PCDH11X: variants seen among roughly 807,000 people sequenced by gnomAD.
PCDH11X encodes protocadherin 11 X-linked, also known as protocadherin-11 X-linked.
A neutral mutation model predicts 53.3 loss-of-function variants in PCDH11X; 18 were observed. That is an observed-to-expected ratio of 0.34 (90% CI 0.23 to 0.50). PCDH11X has a LOEUF of 0.50. Among genes scored for constraint, PCDH11X ranks in the 20% least tolerant of loss-of-function variants. The pLI is 0.98. For missense variants in PCDH11X, 570 were observed against 1,032.4 expected, an observed-to-expected ratio of 0.55 and a Z score of 6.14; for synonymous variants, 279 against 393.3, an observed-to-expected ratio of 0.71 and a Z score of 3.44.
chrX:92,284,810 C>T (rs1456196324), intron 8 of PCDH11X, among the ~76,000 whole-genome samples: 3 of 111,873 alleles, frequency 2.7e-5, no homozygotes, highest in African/African-American at 9.7e-5. Context: ...GTTGCAGAAG[C>T]ATCTAAAAAT....
In PCDH11X at chrX:92,371,237, G is replaced by C. The variant is rs754098794; in HGVS notation, c.3145-16498G>C. Among the ~76,000 whole-genome samples, 3 of 105,850 alleles carry C rather than the reference G, an allele frequency of 2.8e-5. No individual in the cohort carries two copies. The East Asian group carries it at 9.0e-4, about 32-fold the overall frequency. 91.9% of individuals were successfully genotyped at this position (105,850 alleles called of 115,157 possible). ...ATTTTAAGCAATTGCTCATAGTCAG[G>C]ACTTACTATTACCACCATATTATAT... On this transcript the variant is annotated intron_variant, in intron 8 of 10. Transcript: ENST00000682573.
intron 10 of PCDH11X, among the ~76,000 whole-genome samples, chrX:92,591,598 T>A (rs1408301639): frequency 1.8e-5 from 2 of 111,684 alleles, no homozygotes; most frequent in Non-Finnish European, 3.8e-5. Flanking sequence ...AAAGGTTTCT[T>A]CTTGTCTTGC....
At chrX:92,374,408 C>T (rs2070693810) in intron 8 of PCDH11X, among the ~76,000 whole-genome samples, 1 of 100,459 alleles carries the variant, frequency 1.0e-5, no homozygotes, top group African/African-American at 3.6e-5. Context: ...AGTTTGTTAT[C>T]TTAACATTTC....
At position 91,825,548 on chromosome X, in the gene PCDH11X, C is replaced by T. The variant is rs371583058; in HGVS notation, c.-44-9913C>T. Among the ~76,000 whole-genome samples, 45 of 110,862 alleles carry T rather than the reference C, an allele frequency of 4.1e-4. No homozygotes were observed. The East Asian group carries it at 5.8e-3, about 14-fold the overall frequency. On this transcript the variant is annotated intron_variant, in intron 4 of 10. Coordinates refer to ENST00000682573, the MANE Select transcript of PCDH11X (RefSeq NM_032968.5). ...CCTGCTTCAGCTCGCGCACGGTGCG[C>T]GCACCCACTGACCTGCGCCCACTGT...
rs376644212 is a variant in PCDH11X, at chrX:92,391,108, C to T, written c.3343+3175C>T. Among the ~76,000 whole-genome samples the T allele has an allele frequency of 8.0e-5, 8 of 100,243 alleles. No individual in the cohort carries two copies. In the East Asian group the frequency reaches 2.6e-3, roughly 33 times the overall value. 87.0% of individuals were successfully genotyped at this position (100,243 alleles called of 115,157 possible). A position where few individuals can be genotyped will look rare whatever the true frequency, so the allele number is the denominator to read the frequency against. On this transcript the variant is annotated intron_variant, in intron 9 of 10. Transcript: ENST00000682573. Reference sequence around the variant, plus strand: ...GGACTAAGGGTCACTTAATGCCATTCTATACAGTTCTGTCTTCCTTGGATG... The same window carrying T: ...GGACTAAGGGTCACTTAATGCCATTTTATACAGTTCTGTCTTCCTTGGATG...
chrX:91,874,762 A>T (rs747162324), intron 5 of PCDH11X, among the ~76,000 whole-genome samples: 2,130 of 89,920 alleles, frequency 0.024, 86 homozygotes, highest in African/African-American at 0.084. Context: ...ATAGGCAATT[A>T]TAAGACAGGT....
Position 92,459,857 on chromosome X carries a change from C to G in PCDH11X, c.3344-8442C>G. On this transcript the variant is annotated intron_variant, in intron 9 of 10. Coordinates refer to ENST00000682573, the MANE Select transcript of PCDH11X (RefSeq NM_032968.5). The stretch of plus-strand genomic sequence containing the variant: ...GGTGGCATGGGGCCTGGGGGCCTGG[C>G]CGCGGGGATGGCTGGGGGTCTGGCA... The G allele has an allele frequency of 2.7e-6, 3 of 1,114,331 alleles. No homozygotes were observed. In the Admixed American group the frequency reaches 6.6e-5, roughly 25 times the overall value. The allele number at this position is 1,114,331 out of a possible 1,213,427, so 91.8% of individuals were successfully genotyped here. A position where few individuals can be genotyped will look rare whatever the true frequency, so the allele number is the denominator to read the frequency against.
chrX:92,114,477 G>A, intron 6 of PCDH11X: 3 of 566,149 alleles, frequency 5.3e-6, no homozygotes, highest in Admixed American at 2.8e-5. Context: ...TGAGAAACTA[G>A]CCTTTTTATC....
intron 9 of PCDH11X, among the ~76,000 whole-genome samples, chrX:92,408,241 A>G (rs1327119121): frequency 1.8e-5 from 2 of 111,096 alleles, no homozygotes; most frequent in Non-Finnish European, 3.8e-5. Context: ...TGATGCCTAG[A>G]TATAATTTTC....
intron 6 of PCDH11X, among the ~76,000 whole-genome samples, chrX:91,930,723 T>C (rs1291221794): frequency 9.7e-5 from 10 of 103,491 alleles, no homozygotes; most frequent in African/African-American, 2.8e-4. Flanking sequence ...GTTTTCCATA[T>C]AATTCCCAAT....
chrX:92,015,743 G>C lies in PCDH11X; in HGVS notation c.3033+136470G>C, dbSNP rs1446226615. Among the ~76,000 whole-genome samples, 3 of 111,711 alleles carry C rather than the reference G, an allele frequency of 2.7e-5. No individual in the cohort carries two copies. The East Asian group carries it at 8.5e-4, about 31-fold the overall frequency. Reference sequence around the variant, plus strand: ...CAGTGGCTTCCTTCAATGAAGTCTTGAACCCCTCAAAGTCATCCATGAGCG... The same window carrying C: ...CAGTGGCTTCCTTCAATGAAGTCTTCAACCCCTCAAAGTCATCCATGAGCG... On this transcript the variant is annotated intron_variant, in intron 6 of 10. Transcript: ENST00000682573.
rs570752998 is a variant in PCDH11X at position 92,245,154 on chromosome X, G to A, written c.3115-17960G>A. Among the ~76,000 whole-genome samples the A allele has an allele frequency of 1.8e-4, 20 of 112,750 alleles. No homozygotes were observed. The South Asian group carries it at 2.9e-3, about 16-fold the overall frequency. ...AGATACTTTAAGAGCTAAATACTGG[G>A]AAGACGCCTGAGGCGGATGAGCCTC... On this transcript the variant is annotated intron_variant, in intron 7 of 10. Transcript: ENST00000682573.
intron 9 of PCDH11X, among the ~76,000 whole-genome samples, chrX:92,433,351 G>A (rs931451487): frequency 5.5e-5 from 6 of 109,828 alleles, no homozygotes; most frequent in African/African-American, 2.0e-4. Context: ...ATATTAAACA[G>A]TGTTCAACCT....
At chrX:92,488,293 G>A (rs2073687059) in intron 10 of PCDH11X, among the ~76,000 whole-genome samples, 1 of 111,049 alleles carries the variant, frequency 9.0e-6, no homozygotes, top group African/African-American at 3.3e-5. Context: ...TAACTTGAAT[G>A]TAAGCTCACT....
In PCDH11X at chrX:92,139,755, A is replaced by T. The variant is rs1006728797; in HGVS notation, c.3034-61620A>T. On this transcript the variant is annotated intron_variant, in intron 6 of 10. Coordinates refer to ENST00000682573, the MANE Select transcript of PCDH11X (RefSeq NM_032968.5). ...TAATTTGTTAATAGTTGATAATTAA[A>T]CATAATATACAAACAAGGGTTTAGG... Among the ~76,000 whole-genome samples, 5 of 111,653 alleles carry T rather than the reference A, an allele frequency of 4.5e-5. No homozygotes were observed. The Admixed American group carries it at 4.8e-4, about 11-fold the overall frequency.
At chrX:92,266,008 T>G in intron 8 of PCDH11X, among the ~76,000 whole-genome samples, 1 of 111,807 alleles carries the variant, frequency 8.9e-6, no homozygotes, top group East Asian at 2.8e-4. Context: ...CTATATACAT[T>G]CCATACATTG....
intron 7 of PCDH11X, among the ~76,000 whole-genome samples, chrX:92,248,377 A>G (rs760071153): frequency 1.8e-5 from 2 of 111,869 alleles, no homozygotes; most frequent in African/African-American, 3.2e-5. Context: ...TAAAATTACT[A>G]TAATAGCATT....
intron 10 of PCDH11X, among the ~76,000 whole-genome samples, chrX:92,494,437 C>G (rs2073826096): frequency 9.3e-6 from 1 of 107,107 alleles, no homozygotes; most frequent in Non-Finnish European, 1.9e-5. Context: ...TTAAATATCA[C>G]TGTCAGTTTA....
chrX:92,256,100 G>A (rs1331326475), intron 7 of PCDH11X, among the ~76,000 whole-genome samples: 1 of 112,206 alleles, frequency 8.9e-6, no homozygotes, highest in Non-Finnish European at 1.9e-5. Flanking sequence ...CGTGGGGTAG[G>A]ACCCTCCGAG....
Sources: gnomAD v4.1 joint callset for allele counts (sites outside exome capture counted in the v4.1 genomes callset) on GRCh38, gnomAD v4.1.1 for gene constraint, MANE v1.5 for transcripts, NCBI Gene and HGNC (gene_info 2026-07-23, HGNC 2026-07-21) for gene names.